UNC5D: variants seen among roughly 807,000 people sequenced by gnomAD.
UNC5D encodes the protein unc-5 netrin receptor D.
UNC5D carries 39 observed loss-of-function variants against 105.4 expected under a neutral mutation model. The ratio of observed to expected loss-of-function variants is 0.37; its 90% CI spans 0.29 to 0.48. The LOEUF (loss-of-function observed/expected upper bound fraction) is 0.48. Among genes scored for constraint, UNC5D ranks in the 20% least tolerant of loss-of-function variants. The pLI is 0.98. For missense variants in UNC5D, 991 were observed against 1,202.4 expected, an observed-to-expected ratio of 0.82 and a Z score of 2.60; for synonymous variants, 452 against 450.4, an observed-to-expected ratio of 1.00 and a Z score of -0.04.
chr8:35,508,284 T>C (rs1225939608), intron 1 of UNC5D, among the ~76,000 whole-genome samples: 1 of 152,218 alleles, frequency 6.6e-6, no homozygotes, highest in Non-Finnish European at 1.5e-5. Flanking sequence ...GTTTGTTTTG[T>C]TTAAGTCTAT....
intron 1 of UNC5D, among the ~76,000 whole-genome samples, chr8:35,481,098 G>A (rs1240873253): frequency 1.3e-5 from 2 of 152,182 alleles, no homozygotes; most frequent in African/African-American, 4.8e-5. Context: ...ATATAATCTT[G>A]GTTGAAGCCA....
At chr8:35,766,791 T>G in intron 14 of UNC5D, 111 bp from the exon 15 acceptor site, 1 of 1,268,992 alleles carries the variant, frequency 7.9e-7, no homozygotes, top group Non-Finnish European at 1.1e-6. Flanking sequence ...ATTGTCCTCA[T>G]CGTTGTTGTT....
intron 1 of UNC5D, among the ~76,000 whole-genome samples, chr8:35,465,726 G>A (rs950584774): frequency 1.3e-5 from 2 of 152,126 alleles, no homozygotes; most frequent in Non-Finnish European, 2.9e-5. Flanking sequence ...AGGTTAGATG[G>A]ACTTGAAGTT....
intron 1 of UNC5D, among the ~76,000 whole-genome samples, chr8:35,355,044 T>TA (rs1382640115): frequency 6.6e-6 from 1 of 152,172 alleles, no homozygotes; most frequent in Non-Finnish European, 1.5e-5. Context: ...CCAGTCTCTT[T>TA]AGGACTTGAC....
chr8:35,256,044 G>A (rs1804053403), intron 1 of UNC5D: 1 of 152,112 alleles, frequency 6.6e-6, no homozygotes, highest in Non-Finnish European at 1.5e-5. Flanking sequence ...ATCTCTAAAT[G>A]GAAGGTTTCT....
intron 1 of UNC5D, among the ~76,000 whole-genome samples, chr8:35,507,912 T>A (rs565776886): frequency 6.6e-6 from 1 of 152,062 alleles, no homozygotes; most frequent in Non-Finnish European, 1.5e-5. Flanking sequence ...AAATTAAAAA[T>A]TATTTTTTTA....
chr8:35,533,752 C>T (rs374573537), intron 1 of UNC5D, among the ~76,000 whole-genome samples: 5 of 152,158 alleles, frequency 3.3e-5, no homozygotes, highest in East Asian at 1.9e-4. Flanking sequence ...TCTCGTGGTT[C>T]GCCGTTTTTT....
At chr8:35,505,725 C>A (rs1812266257) in intron 1 of UNC5D, among the ~76,000 whole-genome samples, 1 of 152,138 alleles carries the variant, frequency 6.6e-6, no homozygotes, top group Non-Finnish European at 1.5e-5. Context: ...TCATTAGGGG[C>A]TGTCGAGATG....
At chr8:35,430,971 A>G (rs1806594263) in intron 1 of UNC5D, among the ~76,000 whole-genome samples, 1 of 152,214 alleles carries the variant, frequency 6.6e-6, no homozygotes, top group African/African-American at 2.4e-5. Context: ...TGATGGACAC[A>G]TGGCATGAAA....
At chr8:35,461,376 C>A (rs771358759) in intron 1 of UNC5D, among the ~76,000 whole-genome samples, 1 of 151,966 alleles carries the variant, frequency 6.6e-6, no homozygotes, top group Non-Finnish European at 1.5e-5. Context: ...ATGCTACACG[C>A]GTGTGAAAAA....
chr8:35,746,518 AAATGCCT>A (rs1830014426), intron 11 of UNC5D, among the ~76,000 whole-genome samples: 2 of 152,160 alleles, frequency 1.3e-5, no homozygotes, highest in African/African-American at 4.8e-5. Context: ...GCACGTAAGG[AAATGCCT>A]AATGCCTATT....
At chr8:35,380,127 CCG>C (rs1802944211) in intron 1 of UNC5D, among the ~76,000 whole-genome samples, 1 of 112,082 alleles carries the variant, frequency 8.9e-6, no homozygotes, top group Middle Eastern at 7.0e-3. Context: ...GAGAGAGACA[CCG>C]AGAGAGAGAG....
At chr8:35,660,334 C>T (rs1824032176) in intron 4 of UNC5D, among the ~76,000 whole-genome samples, 1 of 152,192 alleles carries the variant, frequency 6.6e-6, no homozygotes. Context: ...TTAGTAGCTT[C>T]TTCCACTTGC....
intron 1 of UNC5D, among the ~76,000 whole-genome samples, chr8:35,359,129 G>T (rs532840573): frequency 6.6e-6 from 1 of 152,236 alleles, no homozygotes; most frequent in African/African-American, 2.4e-5. Flanking sequence ...CTGTCTGGAT[G>T]GCCAAGCAAG....
At chr8:35,687,186 G>A (rs960718955) in intron 7 of UNC5D, among the ~76,000 whole-genome samples, 2 of 152,186 alleles carry the variant, frequency 1.3e-5, no homozygotes, top group Non-Finnish European at 2.9e-5. Flanking sequence ...GCTCACGCCT[G>A]TAATCCCAGC....
chr8:35,483,639 T>C (rs1810639409), intron 1 of UNC5D, among the ~76,000 whole-genome samples: 1 of 152,188 alleles, frequency 6.6e-6, no homozygotes, highest in Admixed American at 6.5e-5. Context: ...AACTGGACTC[T>C]CTACTAATGG....
chr8:35,378,797 CAG>C (rs1272499624), intron 1 of UNC5D, among the ~76,000 whole-genome samples: 2 of 152,170 alleles, frequency 1.3e-5, no homozygotes, highest in African/African-American at 4.8e-5. Flanking sequence ...TGTGGCCTAA[CAG>C]GGTGCAGGAT....
chr8:35,522,887 A>T (rs1450251755), intron 1 of UNC5D, among the ~76,000 whole-genome samples: 1 of 152,128 alleles, frequency 6.6e-6, no homozygotes, highest in African/African-American at 2.4e-5. Flanking sequence ...TCCTCAACCC[A>T]CAACATAATA....
chr8:35,393,596 C>G (rs1373393768), intron 1 of UNC5D, among the ~76,000 whole-genome samples: 1 of 152,178 alleles, frequency 6.6e-6, no homozygotes, highest in African/African-American at 2.4e-5. Context: ...CCACCCTGCT[C>G]TCAGACACAC....
Sources: allele counts gnomAD v4.1 joint callset (sites outside exome capture counted in the v4.1 genomes callset), GRCh38; gene constraint gnomAD v4.1.1; transcripts MANE v1.5; gene names NCBI Gene and HGNC (gene_info 2026-07-23, HGNC 2026-07-21).